FSHR: variants seen among roughly 807,000 people sequenced by gnomAD.
FSHR encodes the protein follicle-stimulating hormone receptor.
Under a neutral mutation model 52.1 loss-of-function variants are expected in FSHR, and 46 were observed. That is an observed-to-expected ratio of 0.88 (90% CI 0.70 to 1.13). The LOEUF (loss-of-function observed/expected upper bound fraction) is 1.13, where lower values mean the gene tolerates loss of function less well. Ranked by LOEUF, FSHR falls within the 50% of genes most tolerant of loss-of-function variation. The pLI is 0.00. For synonymous variants in FSHR, 399 were observed against 309.6 expected (o/e 1.29, Z -3.03); for missense variants, 964 against 834.6 (o/e 1.16, Z -1.91).
intron 8 of FSHR, among the ~76,000 whole-genome samples, chr2:48,969,631 A>T (rs1467784401): frequency 2.6e-5 from 4 of 152,246 alleles, no homozygotes; most frequent in Non-Finnish European, 5.9e-5. Context: ...TGACCAACAG[A>T]CAACACTTAG....
intron 1 of FSHR, among the ~76,000 whole-genome samples, chr2:49,078,346 C>T (rs983997097): frequency 2.0e-5 from 3 of 152,136 alleles, no homozygotes; most frequent in African/African-American, 7.2e-5. Flanking sequence ...AAGACCTGCC[C>T]TCATGATTCA....
intron 2 of FSHR, among the ~76,000 whole-genome samples, chr2:49,026,662 C>T (rs545010178): frequency 2.6e-5 from 4 of 152,274 alleles, no homozygotes; most frequent in South Asian, 2.1e-4. Flanking sequence ...TGAAAAGTTG[C>T]GAGTGCAGAG....
chr2:49,126,168 A>G (rs1671989812), intron 1 of FSHR, among the ~76,000 whole-genome samples: 1 of 152,222 alleles, frequency 6.6e-6, no homozygotes, highest in Non-Finnish European at 1.5e-5. Flanking sequence ...AGACTGGGTA[A>G]TTTAAAAAGA....
At chr2:49,118,537 T>C (rs886845190) in intron 1 of FSHR, among the ~76,000 whole-genome samples, 6 of 152,052 alleles carry the variant, frequency 3.9e-5, no homozygotes, top group African/African-American at 1.4e-4. Context: ...AATAGAAAAT[T>C]CCAGGCAGCA....
chr2:49,027,994 A>T (rs1444687895), intron 2 of FSHR, among the ~76,000 whole-genome samples: 1 of 151,970 alleles, frequency 6.6e-6, no homozygotes, highest in African/African-American at 2.4e-5. Flanking sequence ...AAAGACAAGG[A>T]GTTTGGTAGG....
intron 1 of FSHR, among the ~76,000 whole-genome samples, chr2:49,125,650 G>A (rs1306882409): frequency 6.6e-6 from 1 of 152,196 alleles, no homozygotes; most frequent in Non-Finnish European, 1.5e-5. Flanking sequence ...TACAGTCTCT[G>A]CTTTCTTCTT....
chr2:48,964,230 A>G (rs986160660), intron 9 of FSHR, among the ~76,000 whole-genome samples: 1 of 152,100 alleles, frequency 6.6e-6, no homozygotes, highest in Admixed American at 6.6e-5. Flanking sequence ...GGAGGAAGGC[A>G]CCTGAGACTA....
chr2:49,104,365 G>A (rs1243099814), intron 1 of FSHR, among the ~76,000 whole-genome samples: 39 of 152,054 alleles, frequency 2.6e-4, no homozygotes, highest in Admixed American at 2.4e-3. Flanking sequence ...CCCTGAACCC[G>A]AACTCTTTGT....
rs531258713 is a variant in FSHR, at chr2:49,077,190, A to C, written c.153-8900T>G. 7.4e-4 allele frequency among the ~76,000 whole-genome samples: 112 copies of C among 152,346 alleles called. 1 individual carries two copies. Among genetic ancestry groups the C allele is most frequent in the Non-Finnish European group, 1.2e-3 (80 of 68,028 alleles). On this transcript the variant is annotated intron_variant, in intron 1 of 9. Transcript: ENST00000406846. ...GCAGCAGACTTCTGCCTGGGCATCC[A>C]GGTGTTTCCATACATCTTCTGAAAT...
At chr2:48,991,531 G>C (rs1033495322) in intron 4 of FSHR, among the ~76,000 whole-genome samples, 1 of 152,096 alleles carries the variant, frequency 6.6e-6, no homozygotes, top group African/African-American at 2.4e-5. Context: ...CCCACTTATG[G>C]CTTGCACATT....
chr2:49,000,310 A>G (rs899696842), intron 4 of FSHR, among the ~76,000 whole-genome samples: 2 of 152,314 alleles, frequency 1.3e-5, no homozygotes, highest in East Asian at 3.9e-4. Context: ...GGTAAAAAGA[A>G]TCACGGCAAA....
chr2:49,067,863 TA>T (rs1177582951), intron 2 of FSHR, among the ~76,000 whole-genome samples: 1 of 151,910 alleles, frequency 6.6e-6, no homozygotes, highest in Non-Finnish European at 1.5e-5. Context: ...TGCTGTCAAT[TA>T]AAAATTAATC....
At chr2:49,123,723 A>G (rs186723756) in intron 1 of FSHR, among the ~76,000 whole-genome samples, 203 of 152,290 alleles carry the variant, frequency 1.3e-3, no homozygotes, top group South Asian at 6.4e-3. Context: ...ACTTCCATTC[A>G]GTGTTTCTCC....
At chr2:49,021,884 TATAGAGAGAGAGAGAGAGAGAG>T (rs1253831626) in intron 2 of FSHR, among the ~76,000 whole-genome samples, 14 of 36,566 alleles carry the variant, frequency 3.8e-4, no homozygotes, top group African/African-American at 1.3e-3. Flanking sequence ...TATATATATA[TATAGAGAGAGAGAGAGAGAGAG>T]AGAGAGAGAG....
intron 1 of FSHR, among the ~76,000 whole-genome samples, chr2:49,106,863 C>G (rs944867584): frequency 5.9e-5 from 9 of 152,174 alleles, no homozygotes; most frequent in Non-Finnish European, 1.2e-4. Flanking sequence ...TCCCTCAGCT[C>G]TCTGCAGCTC....
intron 2 of FSHR, among the ~76,000 whole-genome samples, chr2:49,032,802 A>G (rs1668145312): frequency 6.6e-6 from 1 of 152,196 alleles, no homozygotes; most frequent in African/African-American, 2.4e-5. Flanking sequence ...TACTGGTGTT[A>G]TGGATCCTAT....
chr2:48,981,784 G>T (rs1020051199), intron 8 of FSHR, among the ~76,000 whole-genome samples: 1 of 152,174 alleles, frequency 6.6e-6, no homozygotes, highest in Admixed American at 6.5e-5. Flanking sequence ...TAGCTATTTG[G>T]TGTAGACAAA....
intron 1 of FSHR, among the ~76,000 whole-genome samples, chr2:49,086,931 G>T (rs528549211): frequency 1.3e-5 from 2 of 152,182 alleles, no homozygotes; most frequent in Non-Finnish European, 2.9e-5. Context: ...AGCGTGCCTG[G>T]CCCAGGCATC....
chr2:48,982,879 C>A, intron 8 of FSHR, 33 bp downstream of exon 8: 1 of 1,560,354 alleles, frequency 6.4e-7, no homozygotes, highest in South Asian at 1.1e-5. Flanking sequence ...ACAAACTGAG[C>A]TCTTACACAC....
Sources: allele counts gnomAD v4.1 joint callset (sites outside exome capture counted in the v4.1 genomes callset), GRCh38; gene constraint gnomAD v4.1.1; transcripts MANE v1.5; gene names NCBI Gene and HGNC (gene_info 2026-07-23, HGNC 2026-07-21).